The following KIRREL3 variants were observed in gnomAD, a reference collection of about 807,000 sequenced individuals.
KIRREL3 encodes kirre like nephrin family adhesion molecule 3, also known as kin of IRRE-like protein 3.
In KIRREL3, 36 loss-of-function variants were observed where a neutral mutation model predicts 89.7. The observed-to-expected ratio is 0.40, with a 90% CI of 0.31 to 0.53. The LOEUF is 0.53. Among genes scored for constraint, KIRREL3 ranks in the 20% least tolerant of loss-of-function variants. The pLI is 0.49. For missense variants in KIRREL3, 864 were observed against 1,056.6 expected (o/e 0.82, Z 2.53); for synonymous variants, 445 against 441.4 (o/e 1.01, Z -0.10).
At position 126,754,332 on chromosome 11, in the gene KIRREL3, G is replaced by A. The variant is rs1434826099; in HGVS notation, c.56-191420C>T. ...AGAAAACTTGATGGAAAATAAAGAT[G>A]TTCACTGCTGAAACAGCATTCCTCA... is the stretch of plus-strand genomic sequence containing the variant. On this transcript the variant is annotated intron_variant, in intron 1 of 16. Transcript: ENST00000525144. This position sits in a 1 kb window ranked among gnomAD's most constrained non-coding sequence, Gnocchi z 5.1. Among the ~76,000 whole-genome samples the A allele has an allele frequency of 1.3e-5, 2 of 152,156 alleles. No homozygotes were observed. Among genetic ancestry groups the A allele is most frequent in the Admixed American group, 1.3e-4 (2 of 15,280 alleles).
rs1945573177 is a variant in KIRREL3 at position 126,883,231 on chromosome 11, A to T, written c.55+117224T>A. Among the ~76,000 whole-genome samples the T allele has an allele frequency of 6.6e-6, 1 of 152,196 alleles. No individual in the cohort carries two copies. Among genetic ancestry groups the T allele is most frequent in the Non-Finnish European group, 1.5e-5 (1 of 68,036 alleles). On this transcript the variant is annotated intron_variant, in intron 1 of 16. Coordinates refer to ENST00000525144, the MANE Select transcript of KIRREL3 (RefSeq NM_032531.4). The surrounding 1 kb of genome is among the most constrained non-coding windows in gnomAD (Gnocchi z 4.1). ...CATCATCTGCTATAGAGAGTTCTTG[A>T]GAAGCCAGGAATAGTTAAGAGGAAA...
Position 126,802,444 on chromosome 11 carries a change from C to T in KIRREL3, c.55+198011G>A, listed in dbSNP as rs977124039. Among the ~76,000 whole-genome samples, 3 of 152,192 alleles carry T rather than the reference C, an allele frequency of 2.0e-5. No homozygotes were observed. The highest frequency in any genetic ancestry group is 7.2e-5 in the African/African-American group (3 of 41,464). On this transcript the variant is annotated intron_variant, in intron 1 of 16. Coordinates refer to ENST00000525144, the MANE Select transcript of KIRREL3 (RefSeq NM_032531.4). This position sits in a 1 kb window ranked among gnomAD's most constrained non-coding sequence, Gnocchi z 5.2. Reference sequence around the variant, plus strand: ...ATGAGAAAAATATATCACTTTCCAGCTGGGTCCATAGTCTGTGTGGCGTCG... The same window carrying T: ...ATGAGAAAAATATATCACTTTCCAGTTGGGTCCATAGTCTGTGTGGCGTCG...
Position 126,860,084 on chromosome 11 carries a change from A to C in KIRREL3, c.55+140371T>G, listed in dbSNP as rs1167859983. On this transcript the variant is annotated intron_variant, in intron 1 of 16. Coordinates refer to ENST00000525144, the MANE Select transcript of KIRREL3 (RefSeq NM_032531.4). The surrounding 1 kb of genome is among the most constrained non-coding windows in gnomAD (Gnocchi z 4.6). The stretch of plus-strand genomic sequence containing the variant: ...GACAGACATTTTTGACCAATAGATT[A>C]AGTAGCAGGAATTCAGGAAGGGAGT... Among the ~76,000 whole-genome samples, 5 of 152,214 alleles carry C rather than the reference A, an allele frequency of 3.3e-5. No homozygotes were observed. The highest frequency in any genetic ancestry group is 3.3e-4 in the Admixed American group (5 of 15,284).
At chr11:126,556,660 G>T (rs1371815174) in intron 2 of KIRREL3, among the ~76,000 whole-genome samples, 11 of 152,104 alleles carry the variant, frequency 7.2e-5, no homozygotes, top group African/African-American at 2.7e-4. Flanking sequence ...ACTTGGCAGG[G>T]TCTGCAGCTT....
intron 4 of KIRREL3, among the ~76,000 whole-genome samples, chr11:126,510,457 C>CTTCCTTCA (rs1377940601): frequency 6.8e-6 from 1 of 147,874 alleles, no homozygotes; most frequent in African/African-American, 2.5e-5. Flanking sequence ...TCCTTCCTTC[C>CTTCCTTCA]TTCCTTCCTT....
chr11:126,818,811 CCTCTA>C (rs66605349), intron 1 of KIRREL3, among the ~76,000 whole-genome samples: 131,055 of 151,896 alleles, frequency 0.86, 56,876 homozygotes, highest in East Asian at 1. Flanking sequence ...TTCAGGTCAG[CCTCTA>C]CTCTACCTGC....
chr11:126,665,111 T>G (rs1724474464), intron 1 of KIRREL3, among the ~76,000 whole-genome samples: 1 of 152,164 alleles, frequency 6.6e-6, no homozygotes, highest in South Asian at 2.1e-4. Flanking sequence ...TTGTTGTAGA[T>G]TTCCTTCCAC....
chr11:126,571,917 G>A lies in KIRREL3; in HGVS notation c.56-9005C>T, dbSNP rs1478409818. Among the ~76,000 whole-genome samples, 1 of 152,214 alleles carries A rather than the reference G, an allele frequency of 6.6e-6. No homozygotes were observed. Among genetic ancestry groups the A allele is most frequent in the Non-Finnish European group, 1.5e-5 (1 of 68,034 alleles). On this transcript the variant is annotated intron_variant, in intron 1 of 16. Coordinates refer to ENST00000525144, the MANE Select transcript of KIRREL3 (RefSeq NM_032531.4). The surrounding 1 kb of genome is among the most constrained non-coding windows in gnomAD (Gnocchi z 7.7). ...GGAACAGAGAAATAGGATCATGAAGGCCATTCCTGTCCTCCAGTCTGTCTT... is the reference window on the plus strand; with the variant it reads ...GGAACAGAGAAATAGGATCATGAAGACCATTCCTGTCCTCCAGTCTGTCTT...
At chr11:126,751,561 A>T (rs773436300) in intron 1 of KIRREL3, among the ~76,000 whole-genome samples, 1 of 152,196 alleles carries the variant, frequency 6.6e-6, no homozygotes, top group Non-Finnish European at 1.5e-5. Flanking sequence ...ATGATTTTGG[A>T]ATGTGAGATC....
chr11:126,835,537 A>T (rs1943750081), intron 1 of KIRREL3, among the ~76,000 whole-genome samples: 2 of 152,176 alleles, frequency 1.3e-5, no homozygotes. Context: ...GTTTGATCCT[A>T]TATGTGCTGA....
chr11:126,882,160 T>C (rs1945529763), intron 1 of KIRREL3, among the ~76,000 whole-genome samples: 1 of 152,176 alleles, frequency 6.6e-6, no homozygotes, highest in Admixed American at 6.5e-5. Flanking sequence ...CTTGACTTTC[T>C]CTGAGAACAC....
intron 1 of KIRREL3, among the ~76,000 whole-genome samples, chr11:126,914,907 A>G (rs1172508308): frequency 6.6e-6 from 1 of 152,224 alleles, no homozygotes; most frequent in African/African-American, 2.4e-5. Flanking sequence ...TAACATTTTA[A>G]TGTTGTATAT....
At position 126,525,756 on chromosome 11, in the gene KIRREL3, C is replaced by T. The variant is rs1034542088; in HGVS notation, c.283+782G>A. ...AAGCCTAGCAAACAACCACTGCCTACCTGTAGGACAGAATAATGATAGCTG... is the reference window on the plus strand; with the variant it reads ...AAGCCTAGCAAACAACCACTGCCTATCTGTAGGACAGAATAATGATAGCTG... On this transcript the variant is annotated intron_variant, in intron 3 of 16. Coordinates refer to ENST00000525144, the MANE Select transcript of KIRREL3 (RefSeq NM_032531.4). The surrounding 1 kb of genome is among the most constrained non-coding windows in gnomAD (Gnocchi z 5.4). Among the ~76,000 whole-genome samples the T allele has an allele frequency of 6.6e-6, 1 of 152,202 alleles. No homozygotes were observed. The highest frequency in any genetic ancestry group is 1.5e-5 in the Non-Finnish European group (1 of 68,048).
In KIRREL3 at chr11:126,636,565, C is replaced by T. The variant is rs142393115; in HGVS notation, c.56-73653G>A. On this transcript the variant is annotated intron_variant, in intron 1 of 16. Transcript: ENST00000525144. The surrounding 1 kb of genome is among the most constrained non-coding windows in gnomAD (Gnocchi z 4.4). Reference sequence around the variant, plus strand: ...AGTGTCTGCCCCTCATCCTGCCCCCCAGATCTCACTGCTCTCTGAGTCTTA... The same window carrying T: ...AGTGTCTGCCCCTCATCCTGCCCCCTAGATCTCACTGCTCTCTGAGTCTTA... 5.5e-4 allele frequency among the ~76,000 whole-genome samples: 84 copies of T among 152,334 alleles called. No homozygotes were observed. The highest frequency in any genetic ancestry group is 3.4e-3 in the Middle Eastern group (1 of 294).
rs1946178453 is a variant in KIRREL3, at chr11:126,676,151, G to C, written c.56-113239C>G. On this transcript the variant is annotated intron_variant, in intron 1 of 16. Transcript: ENST00000525144. The surrounding 1 kb of genome is among the most constrained non-coding windows in gnomAD (Gnocchi z 4.5). ...TTCATTGTTTGGCCATGTAGGTCTA[G>C]AGCTCTGAAGAGAGACTTCATTAGA... 6.6e-6 allele frequency among the ~76,000 whole-genome samples: 1 copy of C among 152,180 alleles called. No individual in the cohort carries two copies. The highest frequency in any genetic ancestry group is 6.5e-5 in the Admixed American group (1 of 15,280).
At chr11:126,823,057 C>T (rs2134458926) in intron 1 of KIRREL3, among the ~76,000 whole-genome samples, 1 of 152,236 alleles carries the variant, frequency 6.6e-6, no homozygotes, top group African/African-American at 2.4e-5. Flanking sequence ...ATTTAATACT[C>T]ACTGGAGAGA....
rs1038392803 is a variant in KIRREL3, at chr11:126,708,719, A to AGGGCCCTCCC, written c.56-145817_56-145808dup. ...CCTCTCCCATTTCTCCGGGGCCTCC[A>AGGGCCCTCCC]GGGCCCTCCCGCACATTCAGCATGA... is the stretch of plus-strand genomic sequence containing the variant. On this transcript the variant is annotated intron_variant, in intron 1 of 16. Coordinates refer to ENST00000525144, the MANE Select transcript of KIRREL3 (RefSeq NM_032531.4). This position sits in a 1 kb window ranked among gnomAD's most constrained non-coding sequence, Gnocchi z 5.7. Among the ~76,000 whole-genome samples the AGGGCCCTCCC allele has an allele frequency of 1.3e-5, 2 of 152,086 alleles. No individual in the cohort carries two copies. Among genetic ancestry groups the AGGGCCCTCCC allele is most frequent in the African/African-American group, 4.8e-5 (2 of 41,416 alleles).
Position 126,955,653 on chromosome 11 carries a change from G to C in KIRREL3, c.55+44802C>G, listed in dbSNP as rs966409176. Among the ~76,000 whole-genome samples, 1 of 152,182 alleles carries C rather than the reference G, an allele frequency of 6.6e-6. No individual in the cohort carries two copies. Among genetic ancestry groups the C allele is most frequent in the Non-Finnish European group, 1.5e-5 (1 of 68,038 alleles). On this transcript the variant is annotated intron_variant, in intron 1 of 16. Coordinates refer to ENST00000525144, the MANE Select transcript of KIRREL3 (RefSeq NM_032531.4). This position sits in a 1 kb window ranked among gnomAD's most constrained non-coding sequence, Gnocchi z 4.6. ...CTCAACCACACATATTTATTAAGTA[G>C]CTACTATACACAGACCAGGCACAGT...
rs1238596550 is a variant in KIRREL3 at position 126,940,054 on chromosome 11, T to A, written c.55+60401A>T. Among the ~76,000 whole-genome samples the A allele has an allele frequency of 6.6e-6, 1 of 152,200 alleles. No individual in the cohort carries two copies. The highest frequency in any genetic ancestry group is 6.5e-5 in the Admixed American group (1 of 15,282). Reference sequence around the variant, plus strand: ...TAGCTACAGGCTTTCCCAGAGCCCATCTCTGGGGATAAAATGGACTCATTT... The same window carrying A: ...TAGCTACAGGCTTTCCCAGAGCCCAACTCTGGGGATAAAATGGACTCATTT... On this transcript the variant is annotated intron_variant, in intron 1 of 16. Coordinates refer to ENST00000525144, the MANE Select transcript of KIRREL3 (RefSeq NM_032531.4). This position sits in a 1 kb window ranked among gnomAD's most constrained non-coding sequence, Gnocchi z 4.6.
Sources: allele counts gnomAD v4.1 joint callset (sites outside exome capture counted in the v4.1 genomes callset), GRCh38; gene constraint gnomAD v4.1.1; non-coding constraint Gnocchi (gnomAD v3.1); transcripts MANE v1.5; gene names NCBI Gene and HGNC (gene_info 2026-07-23, HGNC 2026-07-21).